CEP70: variants seen among roughly 807,000 people sequenced by gnomAD.
The protein encoded by CEP70 is centrosomal protein 70.
In CEP70, 70 loss-of-function variants were observed where a neutral mutation model predicts 90.9. The observed-to-expected ratio is 0.77, with a 90% CI of 0.64 to 0.94. CEP70 has a LOEUF of 0.94. CEP70 is among the 40% of genes least tolerant of loss of function. The pLI is 0.00. For missense variants in CEP70, 648 were observed against 669.0 expected (o/e 0.97, Z 0.35); for synonymous variants, 220 against 228.3 (o/e 0.96, Z 0.33).
At chr3:138,558,148 T>C (rs1402142161) in intron 6 of CEP70, among the ~76,000 whole-genome samples, 1 of 152,168 alleles carries the variant, frequency 6.6e-6, no homozygotes, top group Non-Finnish European at 1.5e-5. Flanking sequence ...GCGGATTGCC[T>C]GAGGTCAGGA....
At position 138,594,239 on chromosome 3, in the gene CEP70, A is replaced by C. The variant is rs2042546953; in HGVS notation, c.-150T>G. 6.6e-6 allele frequency: 1 copy of C among 152,432 alleles called. No individual in the cohort carries two copies. Among genetic ancestry groups the C allele is most frequent in the Non-Finnish European group, 1.5e-5 (1 of 68,220 alleles). 9.4% of individuals were successfully genotyped at this position (152,432 alleles called of 1,614,324 possible). ...CCTCCCACCAGCAGCCAGCCGGGCC[A>C]GGTTAGGCTGGGATCAGCTACGTCA... On this transcript the variant is annotated 5_prime_UTR_variant, in exon 1 of 18. Transcript: ENST00000264982.
intron 10 of CEP70, among the ~76,000 whole-genome samples, chr3:138,526,815 G>A (rs1043448434): frequency 8.5e-5 from 13 of 152,140 alleles, no homozygotes; most frequent in African/African-American, 2.4e-4. Context: ...ATCAATAAGA[G>A]TAAATTTCAA....
chr3:138,531,996 G>A (rs2037871914), intron 8 of CEP70, among the ~76,000 whole-genome samples: 1 of 152,072 alleles, frequency 6.6e-6, no homozygotes, highest in Non-Finnish European at 1.5e-5. Context: ...AAGCATTTTA[G>A]ATTATATCTT....
Position 138,526,749 on chromosome 3 carries a change from C to T in CEP70, c.870-1185G>A, listed in dbSNP as rs140808430. Reference sequence around the variant, plus strand: ...CAGTATAATTTGAGAATGAGAACTCCGCTGGCAAAAGACTGAATCTAATAT... The same window carrying T: ...CAGTATAATTTGAGAATGAGAACTCTGCTGGCAAAAGACTGAATCTAATAT... On this transcript the variant is annotated intron_variant, in intron 10 of 17. Transcript: ENST00000264982. Among the ~76,000 whole-genome samples the T allele has an allele frequency of 3.0e-3, 460 of 152,144 alleles. 4 individuals carry two copies. Among genetic ancestry groups the T allele is most frequent in the African/African-American group, 0.01 (423 of 41,490 alleles).
At chr3:138,551,904 C>T (rs1028395659) in intron 6 of CEP70, among the ~76,000 whole-genome samples, 6 of 152,186 alleles carry the variant, frequency 3.9e-5, no homozygotes, top group Admixed American at 1.3e-4. Context: ...TAAGAATTCA[C>T]CAATCATCTG....
At chr3:138,578,095 G>A (rs2041650604) in intron 2 of CEP70, among the ~76,000 whole-genome samples, 1 of 152,196 alleles carries the variant, frequency 6.6e-6, no homozygotes, top group African/African-American at 2.4e-5. Flanking sequence ...ATCCATGGAT[G>A]CTCAAGTTCC....
chr3:138,500,211 T>A lies in CEP70; in HGVS notation c.1551A>T (p.Ser517=). 1.2e-6 allele frequency: 2 copies of A among 1,610,960 alleles called. No individual in the cohort carries two copies. The highest frequency in any genetic ancestry group is 2.2e-5 in the South Asian group (2 of 90,988). ...QELLELDSSS[S]LCVLVSTVGK... ...CAACAGTGCTTACTAGCACACACAA[T>A]GAGGATGAACTATCTGCAAAAGAGA... The change falls in exon 16 of 18, where the codon TCA becomes TCT. Residue 517 remains serine (S), a synonymous_variant. Coordinates refer to ENST00000264982, the MANE Select transcript of CEP70 (RefSeq NM_024491.4).
At chr3:138,498,603 G>A (rs1183295828) in intron 16 of CEP70, among the ~76,000 whole-genome samples, 2 of 151,448 alleles carry the variant, frequency 1.3e-5, no homozygotes, top group Non-Finnish European at 2.9e-5. Context: ...CAAAGTGCTG[G>A]GATTACAGGC....
rs180940193 is a variant in CEP70 at position 138,564,824 on chromosome 3, A to C, written c.465+5494T>G. On this transcript the variant is annotated intron_variant, in intron 6 of 17. Coordinates refer to ENST00000264982, the MANE Select transcript of CEP70 (RefSeq NM_024491.4). ...CCCTCTCTCACCACTCCTATTCAACATAGTATTGGAAGTTCTGGCCAGGGC... is the reference window on the plus strand; with the variant it reads ...CCCTCTCTCACCACTCCTATTCAACCTAGTATTGGAAGTTCTGGCCAGGGC... Among the ~76,000 whole-genome samples, 791 of 152,310 alleles carry C rather than the reference A, an allele frequency of 5.2e-3. 6 individuals are homozygous for C. Among genetic ancestry groups the C allele is most frequent in the African/African-American group, 0.018 (739 of 41,574 alleles).
chr3:138,526,319 C>A (rs1299776342), intron 10 of CEP70, among the ~76,000 whole-genome samples: 3 of 151,916 alleles, frequency 2.0e-5, no homozygotes, highest in African/African-American at 7.3e-5. Flanking sequence ...TACCACCACA[C>A]CGGGCTGATT....
intron 2 of CEP70, among the ~76,000 whole-genome samples, chr3:138,587,552 G>A (rs1375160177): frequency 6.7e-6 from 1 of 150,150 alleles, no homozygotes; most frequent in Non-Finnish European, 1.5e-5. Flanking sequence ...GGAGGCTGAG[G>A]CAGGAGGACA....
intron 2 of CEP70, among the ~76,000 whole-genome samples, chr3:138,577,970 T>C (rs936650652): frequency 2.0e-5 from 3 of 152,222 alleles, no homozygotes; most frequent in Non-Finnish European, 4.4e-5. Context: ...TTTTTTCATC[T>C]CTGCATCCCA....
At chr3:138,553,660 A>T (rs188325295) in intron 6 of CEP70, among the ~76,000 whole-genome samples, 21 of 152,298 alleles carry the variant, frequency 1.4e-4, no homozygotes, top group Non-Finnish European at 2.5e-4. Context: ...GAAAAGATAT[A>T]ACAAAAAAAG....
intron 2 of CEP70, among the ~76,000 whole-genome samples, chr3:138,581,681 G>C (rs2041863876): frequency 8.9e-6 from 1 of 112,214 alleles, no homozygotes; most frequent in Admixed American, 1.2e-4. Context: ...GGTGACAAGA[G>C]TGAAACTTGT....
intron 7 of CEP70, among the ~76,000 whole-genome samples, chr3:138,533,776 TTTTG>T (rs2038030682): frequency 6.6e-6 from 1 of 152,064 alleles, no homozygotes. Context: ...AATTTTTATT[TTTTG>T]TTTTTTTTTG....
intron 17 of CEP70, 26 bp from the exon 18 acceptor site, chr3:138,495,102 A>AT (rs1288167276): frequency 1.4e-6 from 2 of 1,401,688 alleles, no homozygotes; most frequent in South Asian, 2.4e-5. Flanking sequence ...AGTAATAATA[A>AT]AAGAGAGTAA....
chr3:138,520,217 C>T (rs945230042), intron 11 of CEP70, among the ~76,000 whole-genome samples: 2 of 152,150 alleles, frequency 1.3e-5, no homozygotes, highest in Admixed American at 6.5e-5. Context: ...GACTTAGACT[C>T]CCACACAATA....
intron 6 of CEP70, 41 bp from the exon 7 acceptor site, chr3:138,537,388 T>A (rs2038373069): frequency 7.5e-7 from 1 of 1,331,332 alleles, no homozygotes; most frequent in Admixed American, 2.4e-5. Context: ...GATATGTACA[T>A]CTAGGACATG....
intron 2 of CEP70, among the ~76,000 whole-genome samples, chr3:138,580,673 A>G (rs548814332): frequency 1.7e-4 from 26 of 152,222 alleles, no homozygotes; most frequent in Admixed American, 3.3e-4. Flanking sequence ...ACCAAACTAA[A>G]TAAGACACAA....
Sources: allele counts gnomAD v4.1 joint callset (sites outside exome capture counted in the v4.1 genomes callset), GRCh38; gene constraint gnomAD v4.1.1; transcripts MANE v1.5; gene names NCBI Gene and HGNC (gene_info 2026-07-23, HGNC 2026-07-21).